The following THSD7B variants were observed in gnomAD, a reference collection of about 807,000 sequenced individuals.
THSD7B encodes the protein thrombospondin type 1 domain containing 7B.
A neutral mutation model predicts 213.6 loss-of-function variants in THSD7B; 138 were observed. The ratio of observed to expected loss-of-function variants is 0.65; its 90% confidence interval spans 0.56 to 0.74. The LOEUF (loss-of-function observed/expected upper bound fraction) is 0.74, where lower values mean the gene tolerates loss of function less well. Ranked by LOEUF, THSD7B falls within the 30% of genes least tolerant of loss-of-function variation. The pLI is 0.00. For synonymous variants in THSD7B, 742 were observed against 687.0 expected, an observed-to-expected ratio of 1.08 and a Z score of -1.25; for missense variants, 1,931 against 1,991.5, an observed-to-expected ratio of 0.97 and a Z score of 0.58.
At chr2:137,021,585 T>C (rs2104843752) in intron 2 of THSD7B, among the ~76,000 whole-genome samples, 1 of 152,330 alleles carries the variant, frequency 6.6e-6, no homozygotes, top group East Asian at 1.9e-4. Flanking sequence ...TAAGAAATAG[T>C]ACAGATTTCC....
intron 2 of THSD7B, among the ~76,000 whole-genome samples, chr2:137,037,688 T>C (rs1305130661): frequency 6.6e-6 from 1 of 152,202 alleles, no homozygotes; most frequent in Non-Finnish European, 1.5e-5. Flanking sequence ...ATGGATTTAT[T>C]TGGCTAAAGT....
chr2:137,650,658 C>A (rs934746619), intron 21 of THSD7B, among the ~76,000 whole-genome samples: 1 of 152,156 alleles, frequency 6.6e-6, no homozygotes, highest in African/African-American at 2.4e-5. Flanking sequence ...TTGTCTTGTT[C>A]CAGATCTTAG....
chr2:137,084,562 C>A (rs1405293609), intron 3 of THSD7B, among the ~76,000 whole-genome samples: 1 of 152,186 alleles, frequency 6.6e-6, no homozygotes, highest in African/African-American at 2.4e-5. Context: ...TGGCTGAGAT[C>A]TGACCAATGA....
At chr2:137,521,526 C>G (rs1680184283) in intron 15 of THSD7B, among the ~76,000 whole-genome samples, 1 of 152,230 alleles carries the variant, frequency 6.6e-6, no homozygotes, top group South Asian at 2.1e-4. Context: ...GACCCTTTCT[C>G]TTCTTGTTGG....
intron 14 of THSD7B, among the ~76,000 whole-genome samples, chr2:137,437,892 C>G (rs552856150): frequency 6.6e-6 from 1 of 152,072 alleles, no homozygotes; most frequent in Non-Finnish European, 1.5e-5. Flanking sequence ...AGCACTCTAC[C>G]CTTTTCTGCA....
intron 2 of THSD7B, among the ~76,000 whole-genome samples, chr2:136,946,889 C>T (rs1393128222): frequency 1.3e-5 from 2 of 152,172 alleles, no homozygotes; most frequent in South Asian, 2.1e-4. Context: ...TACAGTCTGT[C>T]GTGACTTCCC....
chr2:136,971,155 C>T lies in THSD7B; in HGVS notation c.140-85265C>T, dbSNP rs561880688. 1.1e-4 allele frequency among the ~76,000 whole-genome samples: 16 copies of T among 152,108 alleles called. 1 individual carries two copies. In the South Asian group the frequency reaches 2.7e-3, roughly 26 times the overall value. Reference sequence around the variant, plus strand: ...AAGTTTCCAGGAAGTCTGTGATGGGCGGTTATAGAACTGTAAATGTGCAAC... The same window carrying T: ...AAGTTTCCAGGAAGTCTGTGATGGGTGGTTATAGAACTGTAAATGTGCAAC... On this transcript the variant is annotated intron_variant, in intron 2 of 27. Coordinates refer to ENST00000409968, the MANE Select transcript of THSD7B (RefSeq NM_001316349.2).
chr2:137,577,112 A>G (rs2105240686), intron 17 of THSD7B, among the ~76,000 whole-genome samples: 1 of 152,200 alleles, frequency 6.6e-6, no homozygotes, highest in East Asian at 1.9e-4. Context: ...GAGAATGATG[A>G]TAACTTTCTA....
chr2:137,436,121 T>C (rs1301517858), intron 14 of THSD7B, among the ~76,000 whole-genome samples: 2 of 152,060 alleles, frequency 1.3e-5, no homozygotes, highest in African/African-American at 4.8e-5. Context: ...TTTATATTAA[T>C]GTATATGTAT....
intron 15 of THSD7B, among the ~76,000 whole-genome samples, chr2:137,458,664 G>A (rs1381325849): frequency 6.6e-6 from 1 of 152,082 alleles, no homozygotes; most frequent in Non-Finnish European, 1.5e-5. Flanking sequence ...TGTGTATGCT[G>A]TTAATCATCA....
chr2:137,151,033 C>T (rs1315749805), intron 5 of THSD7B, among the ~76,000 whole-genome samples: 1 of 152,082 alleles, frequency 6.6e-6, no homozygotes, highest in Non-Finnish European at 1.5e-5. Context: ...TGAGTGAGTC[C>T]TGAGTGAGTA....
intron 15 of THSD7B, among the ~76,000 whole-genome samples, chr2:137,500,794 A>G (rs1679685384): frequency 6.6e-6 from 1 of 152,220 alleles, no homozygotes; most frequent in African/African-American, 2.4e-5. Context: ...TTCTATGCAC[A>G]TGAAGAGCAC....
chr2:137,190,713 C>G (rs1399764517), intron 7 of THSD7B, among the ~76,000 whole-genome samples: 1 of 152,146 alleles, frequency 6.6e-6, no homozygotes, highest in Non-Finnish European at 1.5e-5. Flanking sequence ...ATATCTAACA[C>G]TATAATTCAG....
chr2:137,260,431 A>C (rs1209342164), intron 10 of THSD7B, among the ~76,000 whole-genome samples: 2 of 152,068 alleles, frequency 1.3e-5, no homozygotes, highest in Non-Finnish European at 2.9e-5. Context: ...GCATATGTGA[A>C]CTCTGGGTTC....
chr2:137,004,351 T>G (rs548618444), intron 2 of THSD7B, among the ~76,000 whole-genome samples: 1 of 126,608 alleles, frequency 7.9e-6, no homozygotes, highest in African/African-American at 2.8e-5. Context: ...ACACACAAAC[T>G]TATTCCAGGA....
chr2:137,435,911 T>G (rs2105046660), intron 14 of THSD7B, among the ~76,000 whole-genome samples: 1 of 152,292 alleles, frequency 6.6e-6, no homozygotes, highest in Admixed American at 6.5e-5. Flanking sequence ...GTTCCTTCCA[T>G]GCTTCTACCA....
chr2:137,090,034 A>G (rs1365079927), intron 3 of THSD7B, among the ~76,000 whole-genome samples: 2 of 151,790 alleles, frequency 1.3e-5, no homozygotes, highest in Admixed American at 6.6e-5. Context: ...GAAAAAAGAA[A>G]AAAGAACTTA....
intron 1 of THSD7B, among the ~76,000 whole-genome samples, chr2:136,823,133 G>T (rs553190494): frequency 6.6e-6 from 1 of 152,118 alleles, no homozygotes; most frequent in Non-Finnish European, 1.5e-5. Flanking sequence ...TGTATCATAT[G>T]GAGGATGAGC....
intron 1 of THSD7B, among the ~76,000 whole-genome samples, chr2:136,785,662 A>G (rs1435224874): frequency 6.6e-6 from 1 of 152,210 alleles, no homozygotes; most frequent in African/African-American, 2.4e-5. Flanking sequence ...ATTCTCTTAC[A>G]GACTTCCCCT....
Sources: gnomAD v4.1 joint callset for allele counts (sites outside exome capture counted in the v4.1 genomes callset) on GRCh38, gnomAD v4.1.1 for gene constraint, MANE v1.5 for transcripts, NCBI Gene and HGNC (gene_info 2026-07-23, HGNC 2026-07-21) for gene names.